The following DGKK variants were observed in gnomAD, a reference collection of about 807,000 sequenced individuals.
DGKK encodes diacylglycerol kinase kappa.
Under a neutral mutation model 92.2 loss-of-function variants are expected in DGKK, and 35 were observed. The observed-to-expected ratio is 0.38, with a 90% CI of 0.29 to 0.50. The LOEUF is 0.50. Among genes scored for constraint, DGKK ranks in the 20% least tolerant of loss-of-function variants. DGKK has a pLI of 0.92. For synonymous variants in DGKK, 368 were observed against 360.6 expected, an observed-to-expected ratio of 1.02 and a Z score of -0.23; for missense variants, 910 against 992.2, an observed-to-expected ratio of 0.92 and a Z score of 1.11.
chrX:50,414,995 C>T (rs1327110275), intron 4 of DGKK, among the ~76,000 whole-genome samples: 1 of 112,129 alleles, frequency 8.9e-6, no homozygotes, highest in Non-Finnish European at 1.9e-5. Context: ...GAGCTGCCAT[C>T]CCACCACAGG....
chrX:50,370,195 T>C (rs1393573827), intron 27 of DGKK, among the ~76,000 whole-genome samples: 1 of 112,130 alleles, frequency 8.9e-6, no homozygotes, highest in African/African-American at 3.2e-5. Context: ...TTTTGTTTTC[T>C]GTATATGTTA....
rs192830182 is a variant in DGKK, at chrX:50,368,023, A to G, written c.*917T>C. 6.2e-4 allele frequency: 68 copies of G among 110,544 alleles called. No homozygotes were observed. Among genetic ancestry groups the G allele is most frequent in the African/African-American group, 2.2e-3 (66 of 30,356 alleles). 9.1% of individuals were successfully genotyped at this position (110,544 alleles called of 1,213,427 possible). A position where few individuals can be genotyped will look rare whatever the true frequency, so the allele number is the denominator to read the frequency against. ...GATTAGCACAATAAATTATAGGGTCACTTAGAGGTCGAGTTGTATTTTCAG... is the reference window on the plus strand; with the variant it reads ...GATTAGCACAATAAATTATAGGGTCGCTTAGAGGTCGAGTTGTATTTTCAG... On this transcript the variant is annotated 3_prime_UTR_variant, in exon 28 of 28. Transcript: ENST00000611977.
chrX:50,458,645 C>T (rs1557233049), intron 1 of DGKK, among the ~76,000 whole-genome samples: 8 of 110,794 alleles, frequency 7.2e-5, no homozygotes, highest in Non-Finnish European at 1.9e-5. Context: ...CCACTTCAGC[C>T]ATGTTATACT....
chrX:50,392,680 C>T (rs782356232), intron 9 of DGKK, among the ~76,000 whole-genome samples: 1 of 112,507 alleles, frequency 8.9e-6, no homozygotes, highest in South Asian at 3.7e-4. Flanking sequence ...ACACTAGTAA[C>T]CTAAACAGAC....
chrX:50,452,535 C>T (rs1278457700), intron 1 of DGKK, among the ~76,000 whole-genome samples: 1 of 111,655 alleles, frequency 9.0e-6, no homozygotes, highest in African/African-American at 3.3e-5. Flanking sequence ...GTGACAACAC[C>T]ACATTGTGGC....
At chrX:50,396,141 G>A (rs1410759925) in intron 8 of DGKK, among the ~76,000 whole-genome samples, 2 of 112,200 alleles carry the variant, frequency 1.8e-5, no homozygotes, top group African/African-American at 3.2e-5. Flanking sequence ...GTAAAAAAGA[G>A]CGAGGAAGCA....
At chrX:50,393,958 A>G (rs1266704271) in intron 8 of DGKK, among the ~76,000 whole-genome samples, 1 of 112,370 alleles carries the variant, frequency 8.9e-6, no homozygotes, top group Admixed American at 9.4e-5. Context: ...GGGAAACAAG[A>G]CTATAGGAAA....
chrX:50,452,403 A>T (rs954573192), intron 1 of DGKK, among the ~76,000 whole-genome samples: 3 of 112,184 alleles, frequency 2.7e-5, no homozygotes, highest in Non-Finnish European at 5.6e-5. Context: ...CAAAGCGGGG[A>T]AGTGAAGTAA....
At chrX:50,393,571 C>T (rs1182725170) in intron 8 of DGKK, among the ~76,000 whole-genome samples, 1 of 111,672 alleles carries the variant, frequency 9.0e-6, no homozygotes, top group Non-Finnish European at 1.9e-5. Flanking sequence ...ACATGCCAAG[C>T]ATCATGCCAG....
chrX:50,427,136 G>C (rs1925764977), intron 1 of DGKK, among the ~76,000 whole-genome samples: 1 of 111,604 alleles, frequency 9.0e-6, no homozygotes, highest in Non-Finnish European at 1.9e-5. Context: ...AACAGACTGT[G>C]GTACATCCAG....
intron 24 of DGKK, among the ~76,000 whole-genome samples, chrX:50,375,537 C>T (rs1376401308): frequency 9.0e-6 from 1 of 111,601 alleles, no homozygotes; most frequent in East Asian, 2.8e-4. Flanking sequence ...ACTAAAGTTA[C>T]TTTTTAAAAG....
At chrX:50,378,804 TGGAA>T in intron 20 of DGKK, 113 bp from the exon 21 acceptor site, 1 of 536,642 alleles carries the variant, frequency 1.9e-6, no homozygotes, top group Non-Finnish European at 3.1e-6. Context: ...TCATGAAGAG[TGGAA>T]ACACTTCATT....
chrX:50,371,861 T>G, intron 25 of DGKK, 27 bp from the exon 26 acceptor site: 1 of 1,001,521 alleles, frequency 1.0e-6, no homozygotes, highest in Non-Finnish European at 1.4e-6. Flanking sequence ...AAAGAGTAAG[T>G]GTCCAATGCC....
Position 50,376,835 on chromosome X carries a change from G to A in DGKK, c.3195C>T (p.Asp1065=). The A allele has an allele frequency of 8.3e-7, 1 of 1,208,948 alleles. No homozygotes were observed. Residue 1065 remains aspartate (D), a synonymous_variant, in exon 23 of 28, where the codon GAC becomes GAT. Transcript: ENST00000611977. ...AAPQPQLDFQ[D]SQESLSDEEY... is the part of the protein sequence containing the mutation. ...CCTCGTCAGAGAGGCTCTCTTGAGA[G>A]TCCTGGAAGTCCAGCTGGGGTTGAG...
intron 11 of DGKK, 100 bp from the exon 12 acceptor site, chrX:50,390,509 TG>T: frequency 3.3e-6 from 2 of 606,504 alleles, no homozygotes; most frequent in African/African-American, 2.3e-5. Context: ...GTTTATGTGG[TG>T]GGGGGAGGTG....
At chrX:50,460,233 T>C (rs12688234) in intron 1 of DGKK, among the ~76,000 whole-genome samples, 42 of 111,732 alleles carry the variant, frequency 3.8e-4, no homozygotes, top group East Asian at 3.7e-3. Flanking sequence ...CAATTTTTGC[T>C]CAGCAGGTAC....
chrX:50,373,980 T>C (rs1405501540), intron 25 of DGKK, among the ~76,000 whole-genome samples: 1 of 111,919 alleles, frequency 8.9e-6, no homozygotes, highest in Non-Finnish European at 1.9e-5. Flanking sequence ...GATAGGTACT[T>C]AATATACAAC....
intron 1 of DGKK, among the ~76,000 whole-genome samples, chrX:50,446,392 T>C (rs1459678779): frequency 1.8e-5 from 2 of 111,557 alleles, no homozygotes; most frequent in Non-Finnish European, 3.8e-5. Context: ...GGTGTTGTCA[T>C]TACTTTTTTA....
chrX:50,401,783 TAAG>T (rs782234379), intron 7 of DGKK, among the ~76,000 whole-genome samples: 5 of 111,265 alleles, frequency 4.5e-5, no homozygotes, highest in Non-Finnish European at 7.5e-5. Flanking sequence ...CAGAGTCTTC[TAAG>T]AAGAAGCCCA....
Sources: gnomAD v4.1 joint callset for allele counts (sites outside exome capture counted in the v4.1 genomes callset) on GRCh38, gnomAD v4.1.1 for gene constraint, MANE v1.5 for transcripts, NCBI Gene and HGNC (gene_info 2026-07-23, HGNC 2026-07-21) for gene names.